The following DCHS2 variants were observed in gnomAD, a reference collection of about 807,000 sequenced individuals.
The protein encoded by DCHS2 is dachsous cadherin-related 2, also known as protocadherin-23.
Under a neutral mutation model 182.4 loss-of-function variants are expected in DCHS2, and 142 were observed. The ratio of observed to expected loss-of-function variants is 0.78; its 90% CI spans 0.68 to 0.89. DCHS2 has a LOEUF of 0.89. DCHS2 is among the 40% of genes least tolerant of loss of function. The pLI is 0.00. For missense variants in DCHS2, 4,319 were observed against 4,198.6 expected (o/e 1.03, Z -0.79); for synonymous variants, 1,740 against 1,663.3 (o/e 1.05, Z -1.12).
intron 1 of DCHS2, among the ~76,000 whole-genome samples, chr4:154,418,171 T>G (rs566751605): frequency 1.3e-5 from 2 of 152,362 alleles, no homozygotes; most frequent in South Asian, 2.1e-4. Flanking sequence ...GGTATTCTTC[T>G]AGGGATATAG....
intron 1 of DCHS2, chr4:154,391,149 A>G: frequency 1.2e-6 from 2 of 1,605,592 alleles, no homozygotes; most frequent in East Asian, 4.5e-5. Context: ...ACTTATTTTT[A>G]ATTTTTGTTC....
intron 13 of DCHS2, among the ~76,000 whole-genome samples, chr4:154,276,807 G>T (rs989033987): frequency 6.6e-6 from 1 of 152,140 alleles, no homozygotes; most frequent in African/African-American, 2.4e-5. Context: ...GAAGTCATGG[G>T]ACACCAGGCA....
intron 13 of DCHS2, among the ~76,000 whole-genome samples, chr4:154,274,056 G>A (rs1733719591): frequency 6.6e-6 from 1 of 152,122 alleles, no homozygotes; most frequent in Non-Finnish European, 1.5e-5. Context: ...ATGCATTTGG[G>A]TAAAAGCAAG....
intron 1 of DCHS2, among the ~76,000 whole-genome samples, chr4:154,383,782 G>C (rs893224363): frequency 1.3e-5 from 2 of 151,330 alleles, no homozygotes; most frequent in African/African-American, 2.4e-5. Flanking sequence ...TAATTCCTCT[G>C]TCTACTCCTA....
Position 154,320,560 on chromosome 4 carries a change from T to C in DCHS2, c.4839A>G (p.Val1613=), listed in dbSNP as rs1561039002. The change falls in exon 9 of 20, where the codon GTA becomes GTG. Residue 1613 remains valine (V), a synonymous_variant. Transcript: ENST00000357232. ...AAATAAAAGTGGGGTTGTGGTCATTTACATCCAAAATCACTATTTGTGCTG... is the reference window on the plus strand; with the variant it reads ...AAATAAAAGTGGGGTTGTGGTCATTCACATCCAAAATCACTATTTGTGCTG... The part of the protein sequence containing the change: ...SLTAQIVILD[V]NDHNPTFISF... The C allele has an allele frequency of 6.2e-7, 1 of 1,614,138 alleles. No individual in the cohort carries two copies. Among genetic ancestry groups the C allele is most frequent in the Non-Finnish European group, 8.5e-7 (1 of 1,180,012 alleles).
At chr4:154,485,255 G>A (rs1459059056) in intron 1 of DCHS2, among the ~76,000 whole-genome samples, 2 of 152,218 alleles carry the variant, frequency 1.3e-5, no homozygotes, top group Non-Finnish European at 2.9e-5. Flanking sequence ...TGGCAAGCGA[G>A]AGGCAGAATG....
At chr4:154,346,709 T>G (rs1729377847) in intron 3 of DCHS2, among the ~76,000 whole-genome samples, 1 of 151,872 alleles carries the variant, frequency 6.6e-6, no homozygotes, top group African/African-American at 2.4e-5. Context: ...AATTTGTCCC[T>G]GGCCAGTGGG....
chr4:154,477,437 A>AG (rs1485033121), intron 1 of DCHS2, among the ~76,000 whole-genome samples: 1 of 152,190 alleles, frequency 6.6e-6, no homozygotes, highest in Non-Finnish European at 1.5e-5. Context: ...GCCTGAGCTG[A>AG]GAAAAAGCAC....
chr4:154,392,117 T>C (rs1171128836), intron 1 of DCHS2, among the ~76,000 whole-genome samples: 1 of 152,164 alleles, frequency 6.6e-6, no homozygotes, highest in Non-Finnish European at 1.5e-5. Context: ...GGTATGATTG[T>C]TAAGGGCCAG....
chr4:154,251,151 G>T (rs1244295328), intron 16 of DCHS2, among the ~76,000 whole-genome samples: 1 of 152,144 alleles, frequency 6.6e-6, no homozygotes, highest in Non-Finnish European at 1.5e-5. Flanking sequence ...CTGTAAAATT[G>T]CTTTCTCCCA....
At position 154,235,065 on chromosome 4, in the gene DCHS2, A is replaced by T. The variant is rs1731391618; in HGVS notation, c.9587T>A (p.Ile3196Asn). Reference sequence around the variant, plus strand: ...AGACTCTTTTCTAACGTCAGCCAGGATGCTCTCTTTTGCCTCTCTCTTCTG... The same window carrying T: ...AGACTCTTTTCTAACGTCAGCCAGGTTGCTCTCTTTTGCCTCTCTCTTCTG... ...TVQKREAKESILADVRKESVF... is the reference protein window; with the variant it reads ...TVQKREAKESNLADVRKESVF... The change falls in exon 20 of 20, where the codon ATC (isoleucine) becomes AAC (asparagine). Residue 3196 changes from isoleucine (I) to asparagine (N), a missense_variant. Coordinates refer to ENST00000357232, the MANE Select transcript of DCHS2 (RefSeq NM_001358235.2). 1 of 1,613,812 alleles carries T rather than the reference A, an allele frequency of 6.2e-7. No individual in the cohort carries two copies. Among genetic ancestry groups the T allele is most frequent in the South Asian group, 1.1e-5 (1 of 91,084 alleles).
At chr4:154,462,353 C>T (rs1735043828) in intron 1 of DCHS2, among the ~76,000 whole-genome samples, 1 of 152,172 alleles carries the variant, frequency 6.6e-6, no homozygotes. Context: ...AACAATCACA[C>T]TTTATGTTTG....
intron 1 of DCHS2, among the ~76,000 whole-genome samples, chr4:154,429,077 A>G (rs1483298857): frequency 6.6e-6 from 1 of 152,192 alleles, no homozygotes; most frequent in African/African-American, 2.4e-5. Context: ...GCAAGAGTAC[A>G]ACCTGGCGAT....
rs181632160 is a variant in DCHS2 at position 154,341,358 on chromosome 4, G to A, written c.2477-6254C>T. On this transcript the variant is annotated intron_variant, in intron 3 of 19. Transcript: ENST00000357232. ...CACTCCAGCCTGAGAGACAGAGCGA[G>A]ACTCTGTCTCAAAAAAAAAAAAAAA... is the stretch of plus-strand genomic sequence containing the variant. 1.3e-3 allele frequency among the ~76,000 whole-genome samples: 175 copies of A among 132,490 alleles called. 1 individual carries two copies. In the East Asian group the frequency reaches 0.031, roughly 23 times the overall value. 86.9% of individuals were successfully genotyped at this position (132,490 alleles called of 152,430 possible).
intron 15 of DCHS2, among the ~76,000 whole-genome samples, chr4:154,257,050 C>T (rs1372163473): frequency 6.6e-6 from 1 of 152,162 alleles, no homozygotes; most frequent in Non-Finnish European, 1.5e-5. Context: ...GAGATCAAGA[C>T]CATCCTGGCC....
intron 3 of DCHS2, among the ~76,000 whole-genome samples, chr4:154,363,730 T>C (rs1730226520): frequency 6.6e-6 from 1 of 152,206 alleles, no homozygotes; most frequent in Non-Finnish European, 1.5e-5. Flanking sequence ...AAATTCTAAG[T>C]GTGAGAGGTG....
chr4:154,421,819 T>A (rs985155151), intron 1 of DCHS2, among the ~76,000 whole-genome samples: 2 of 152,210 alleles, frequency 1.3e-5, no homozygotes, highest in African/African-American at 4.8e-5. Context: ...TCAAAATGGT[T>A]TTCATATGCT....
chr4:154,452,988 A>G (rs778814472), intron 1 of DCHS2, among the ~76,000 whole-genome samples: 12 of 152,208 alleles, frequency 7.9e-5, no homozygotes, highest in Non-Finnish European at 1.8e-4. Flanking sequence ...CAATAAGTTA[A>G]ACAGAAACTG....
chr4:154,357,553 C>T (rs1466586726), intron 3 of DCHS2, among the ~76,000 whole-genome samples: 2 of 152,196 alleles, frequency 1.3e-5, no homozygotes, highest in African/African-American at 4.8e-5. Flanking sequence ...CCTTCTTTAG[C>T]ACATCACACA....
Sources: allele counts gnomAD v4.1 joint callset (sites outside exome capture counted in the v4.1 genomes callset), GRCh38; gene constraint gnomAD v4.1.1; transcripts MANE v1.5; gene names NCBI Gene and HGNC (gene_info 2026-07-23, HGNC 2026-07-21).